RCN3: variants seen among roughly 807,000 people sequenced by gnomAD.
RCN3 encodes the protein reticulocalbin 3.
RCN3 carries 41 observed loss-of-function variants against 35.9 expected under a neutral mutation model. That is an observed-to-expected ratio of 1.14 (90% CI 0.89 to 1.48). The LOEUF is 1.48. Among genes scored for constraint, RCN3 ranks in the 40% most tolerant of loss-of-function variants. The probability of loss-of-function intolerance (pLI) is 0.00; values close to 1 mark genes in which losing one functional copy is unlikely to be tolerated. For missense variants in RCN3, 451 were observed against 471.3 expected (o/e 0.96, Z 0.40); for synonymous variants, 187 against 193.4 (o/e 0.97, Z 0.27).
Position 49,534,244 on chromosome 19 carries a change from G to T in RCN3, c.294G>T (p.Ser98=). 2 of 1,471,660 alleles carry T rather than the reference G, an allele frequency of 1.4e-6. No homozygotes were observed. The highest frequency in any genetic ancestry group is 1.8e-6 in the Non-Finnish European group (2 of 1,116,346). The allele number at this position is 1,471,660 out of a possible 1,614,324, so 91.2% of individuals were successfully genotyped here. A position where few individuals can be genotyped will look rare whatever the true frequency, so the allele number is the denominator to read the frequency against. The change falls in exon 3 of 7, where the codon TCG becomes TCT. Residue 98 remains serine, a synonymous_variant. Coordinates refer to ENST00000270645, the MANE Select transcript of RCN3 (RefSeq NM_020650.3). ...DRAGDGDGWV[S]LAELRAWIAH... is the part of the protein sequence containing the mutation. ...CGGGGGACGGCGACGGCTGGGTGTC[G>T]CTGGCCGAGCTTCGCGCGTGGATCG...
At chr19:49,533,049 C>T (rs73582460) in intron 2 of RCN3, among the ~76,000 whole-genome samples, 17,262 of 152,220 alleles carry the variant, frequency 0.11, 1,181 homozygotes, top group East Asian at 0.18. Context: ...ACCGTTTTTT[C>T]TTCCTCCGTT....
At chr19:49,539,285 C>A in intron 5 of RCN3, 106 bp downstream of exon 5, 2 of 853,238 alleles carry the variant, frequency 2.3e-6, no homozygotes, top group Non-Finnish European at 3.6e-6. Context: ...AGAACAGTGG[C>A]CCTCAGACAT....
intron 5 of RCN3, among the ~76,000 whole-genome samples, 154 bp downstream of exon 5, chr19:49,539,333 A>G (rs1302584197): frequency 6.6e-6 from 1 of 151,978 alleles, no homozygotes; most frequent in African/African-American, 2.4e-5. Context: ...TCATTTAGCC[A>G]CCCAACATTT....
chr19:49,529,113 G>A (rs1315357407), intron 2 of RCN3, among the ~76,000 whole-genome samples: 4 of 152,076 alleles, frequency 2.6e-5, no homozygotes, highest in Admixed American at 2.0e-4. Context: ...CCTGGGAGGT[G>A]GAGGTTGCAG....
At chr19:49,542,860 G>T in intron 6 of RCN3, 108 bp downstream of exon 6, 1 of 1,094,510 alleles carries the variant, frequency 9.1e-7, no homozygotes, top group Non-Finnish European at 1.3e-6. Flanking sequence ...TTTTAGGTGG[G>T]ATAAAAAAAG....
chr19:49,539,051 C>T, intron 4 of RCN3, 68 bp from the exon 5 acceptor site: 2 of 1,207,468 alleles, frequency 1.7e-6, no homozygotes, highest in Non-Finnish European at 2.3e-6. Flanking sequence ...ACTCTTACCC[C>T]AGGGGTCCAG....
In RCN3 at chr19:49,528,058, G is replaced by A. The variant is rs563883117; in HGVS notation, c.-7G>A. 5.0e-5 allele frequency: 9 copies of A among 178,898 alleles called. No homozygotes were observed. The South Asian group carries it at 1.7e-3, about 34-fold the overall frequency. 11.1% of individuals were successfully genotyped at this position (178,898 alleles called of 1,614,324 possible). On this transcript the variant is annotated splice_region_variant and 5_prime_UTR_variant, in exon 1 of 7. Transcript: ENST00000270645. Reference sequence around the variant, plus strand: ...AGAGCGGAGCGAAGCTGGATAACAGGGTAAAGGGAGTGGGTGGGGGGCCTC... The same window carrying A: ...AGAGCGGAGCGAAGCTGGATAACAGAGTAAAGGGAGTGGGTGGGGGGCCTC...
At chr19:49,529,740 T>TTTTA (rs57928834) in intron 2 of RCN3, among the ~76,000 whole-genome samples, 13,989 of 150,948 alleles carry the variant, frequency 0.093, 767 homozygotes, top group African/African-American at 0.15. Flanking sequence ...GAGTTGCAAT[T>TTTTA]TTTATTTATT....
rs1274260994 is a variant in RCN3 at position 49,542,536 on chromosome 19, T to C, written c.680-17T>C. 1 of 1,562,904 alleles carries C rather than the reference T, an allele frequency of 6.4e-7. No homozygotes were observed. Among genetic ancestry groups the C allele is most frequent in the Non-Finnish European group, 8.7e-7 (1 of 1,153,106 alleles). On this transcript the variant is annotated splice_polypyrimidine_tract_variant and intron_variant, in intron 5 of 6. Coordinates refer to ENST00000270645, the MANE Select transcript of RCN3 (RefSeq NM_020650.3). ...CAGAGCTGCCCCTGACCTTGTCCCC[T>C]CTGTCCCGGCCCCCAGCGGATCTGT...
In RCN3 at chr19:49,543,175, T is replaced by C. The variant is rs756153413; in HGVS notation, c.949T>C (p.Tyr317His). Residue 317 changes from tyrosine (Y) to histidine (H), a missense_variant, in exon 7 of 7, where the codon TAT becomes CAT. Coordinates refer to ENST00000270645, the MANE Select transcript of RCN3 (RefSeq NM_020650.3). ...GTTTGTGGGCAGTCAGGCCACCAACTATGGCGAGGACCTGACCCGGCACCA... is the reference window on the plus strand; with the variant it reads ...GTTTGTGGGCAGTCAGGCCACCAACCATGGCGAGGACCTGACCCGGCACCA... Reference protein sequence around the residue: ...NMFVGSQATNYGEDLTRHHDE... With the variant: ...NMFVGSQATNHGEDLTRHHDE... 1.9e-5 allele frequency: 31 copies of C among 1,613,842 alleles called. 1 individual carries two copies. Among genetic ancestry groups the C allele is most frequent in the Non-Finnish European group, 2.6e-5 (31 of 1,179,964 alleles).
intron 3 of RCN3, 28 bp downstream of exon 3, chr19:49,534,423 C>T (rs1443638884): frequency 1.3e-6 from 2 of 1,534,320 alleles, no homozygotes; most frequent in Admixed American, 4.0e-5. Flanking sequence ...GACCCTGCTC[C>T]CCATACACCG....
At chr19:49,539,621 C>T (rs1043382363) in intron 5 of RCN3, among the ~76,000 whole-genome samples, 1 of 151,838 alleles carries the variant, frequency 6.6e-6, no homozygotes, top group Non-Finnish European at 1.5e-5. Flanking sequence ...GGGGGATCCT[C>T]ACAATACCCC....
At chr19:49,542,059 CAA>C (rs56896990) in intron 5 of RCN3, among the ~76,000 whole-genome samples, 21 of 116,330 alleles carry the variant, frequency 1.8e-4, no homozygotes, top group Admixed American at 2.7e-4. Context: ...GACTCCATCT[CAA>C]AAAAAAAAAA....
At chr19:49,533,387 GTTAA>G (rs1309186948) in intron 2 of RCN3, among the ~76,000 whole-genome samples, 1 of 152,172 alleles carries the variant, frequency 6.6e-6, no homozygotes, top group African/African-American at 2.4e-5. Flanking sequence ...GGTAGTCTCT[GTTAA>G]TTAGAGATTG....
chr19:49,541,298 G>A (rs1358870914), intron 5 of RCN3, among the ~76,000 whole-genome samples: 1 of 152,116 alleles, frequency 6.6e-6, no homozygotes, highest in East Asian at 1.9e-4. Context: ...GGCAGACACT[G>A]TCACTATCCT....
intron 5 of RCN3, among the ~76,000 whole-genome samples, chr19:49,542,232 G>A (rs553163052): frequency 3.9e-5 from 6 of 152,194 alleles, no homozygotes; most frequent in African/African-American, 7.2e-5. Flanking sequence ...ATCCTCGCAC[G>A]TTCCTCCTGC....
intron 4 of RCN3, among the ~76,000 whole-genome samples, chr19:49,538,885 T>G (rs1329804031): frequency 6.6e-6 from 1 of 152,158 alleles, no homozygotes; most frequent in African/African-American, 2.4e-5. Flanking sequence ...TGCTGGACAT[T>G]AGGGCCTCTG....
Position 49,534,188 on chromosome 19 carries a change from T to A in RCN3, c.243-5T>A. 6.7e-7 allele frequency: 1 copy of A among 1,485,962 alleles called. No individual in the cohort carries two copies. The highest frequency in any genetic ancestry group is 8.9e-7 in the Non-Finnish European group (1 of 1,124,008). 92.0% of individuals were successfully genotyped at this position (1,485,962 alleles called of 1,614,324 possible). A position where few individuals can be genotyped will look rare whatever the true frequency, so the allele number is the denominator to read the frequency against. On this transcript the variant is annotated splice_region_variant and splice_polypyrimidine_tract_variant and intron_variant, in intron 2 of 6. Coordinates refer to ENST00000270645, the MANE Select transcript of RCN3 (RefSeq NM_020650.3). ...AGCCTGACGTGTGCCCGCCCCGGCTTCTAGGCGGATCGTGGACCGCATGGA... is the reference window on the plus strand; with the variant it reads ...AGCCTGACGTGTGCCCGCCCCGGCTACTAGGCGGATCGTGGACCGCATGGA...
intron 4 of RCN3, among the ~76,000 whole-genome samples, chr19:49,537,513 T>C (rs932606124): frequency 8.3e-6 from 1 of 120,378 alleles, no homozygotes; most frequent in African/African-American, 3.4e-5. Flanking sequence ...CTTTTCTTTC[T>C]TTTTTTTTTT....
Sources: gnomAD v4.1 joint callset for allele counts (sites outside exome capture counted in the v4.1 genomes callset) on GRCh38, gnomAD v4.1.1 for gene constraint, MANE v1.5 for transcripts, NCBI Gene and HGNC (gene_info 2026-07-23, HGNC 2026-07-21) for gene names.